SCFD2: variants seen among roughly 807,000 people sequenced by gnomAD.
The protein encoded by SCFD2 is sec1 family domain containing 2.
SCFD2 carries 54 observed loss-of-function variants against 58.9 expected under a neutral mutation model. The ratio of observed to expected loss-of-function variants is 0.92; its 90% CI spans 0.74 to 1.15. SCFD2 has a LOEUF of 1.15. SCFD2 is among the 50% of genes most tolerant of loss of function. The probability of loss-of-function intolerance (pLI) is 0.00; values close to 1 mark genes in which losing one functional copy is unlikely to be tolerated. For missense variants in SCFD2, 805 were observed against 836.6 expected (o/e 0.96, Z 0.47); for synonymous variants, 321 against 335.9 (o/e 0.96, Z 0.49).
chr4:52,891,569 C>G (rs750118478), intron 7 of SCFD2, among the ~76,000 whole-genome samples: 3 of 152,250 alleles, frequency 2.0e-5, no homozygotes, highest in Non-Finnish European at 4.4e-5. Context: ...GACCATCTCA[C>G]TGCAGAGCAG....
chr4:53,258,981 T>C (rs553473293), intron 4 of SCFD2, among the ~76,000 whole-genome samples: 1 of 152,294 alleles, frequency 6.6e-6, no homozygotes, highest in East Asian at 1.9e-4. Flanking sequence ...ATTTGTGATG[T>C]TGAGCATTTT....
At chr4:52,931,969 A>G (rs1043501337) in intron 5 of SCFD2, among the ~76,000 whole-genome samples, 2 of 152,168 alleles carry the variant, frequency 1.3e-5, no homozygotes, top group Admixed American at 1.3e-4. Context: ...CAGAGGCCCC[A>G]GGGCTCCCCA....
intron 3 of SCFD2, among the ~76,000 whole-genome samples, chr4:53,300,504 A>T (rs1371679385): frequency 6.6e-6 from 1 of 152,154 alleles, no homozygotes; most frequent in African/African-American, 2.4e-5. Flanking sequence ...ATACTGGGAG[A>T]CTTTAACACC....
At chr4:53,254,090 C>T (rs1560414033) in intron 4 of SCFD2, among the ~76,000 whole-genome samples, 1 of 152,012 alleles carries the variant, frequency 6.6e-6, no homozygotes, top group African/African-American at 2.4e-5. Context: ...TGGGGCCTAC[C>T]TGAGGGTGGA....
At chr4:52,974,387 G>A (rs1277880256) in intron 5 of SCFD2, among the ~76,000 whole-genome samples, 4 of 152,138 alleles carry the variant, frequency 2.6e-5, no homozygotes, top group Non-Finnish European at 5.9e-5. Context: ...CAGACAAACA[G>A]AGAGCCAAAT....
chr4:53,026,006 T>A (rs1463452436), intron 5 of SCFD2, among the ~76,000 whole-genome samples: 1 of 150,338 alleles, frequency 6.7e-6, no homozygotes, highest in Non-Finnish European at 1.5e-5. Flanking sequence ...CGGTTTTTCA[T>A]TTTTTTTTTC....
intron 6 of SCFD2, among the ~76,000 whole-genome samples, chr4:52,917,292 G>A (rs1719632093): frequency 6.6e-6 from 1 of 152,152 alleles, no homozygotes; most frequent in Non-Finnish European, 1.5e-5. Flanking sequence ...CCTTCTTACA[G>A]AGTAGGAACC....
intron 5 of SCFD2, among the ~76,000 whole-genome samples, chr4:52,929,032 G>A (rs1334327980): frequency 1.3e-5 from 2 of 152,132 alleles, no homozygotes; most frequent in Non-Finnish European, 2.9e-5. Context: ...TGGGTAAGTG[G>A]ATAAACTTCC....
intron 5 of SCFD2, among the ~76,000 whole-genome samples, chr4:52,952,547 A>T (rs1042501506): frequency 6.6e-6 from 1 of 152,198 alleles, no homozygotes; most frequent in Non-Finnish European, 1.5e-5. Flanking sequence ...CACAAATAGT[A>T]AACATAAGCT....
chr4:53,143,908 T>C (rs1162798144), intron 5 of SCFD2, among the ~76,000 whole-genome samples: 1 of 152,112 alleles, frequency 6.6e-6, no homozygotes, highest in African/African-American at 2.4e-5. Context: ...TACTTTCAGA[T>C]AGACACAGGC....
intron 4 of SCFD2, among the ~76,000 whole-genome samples, chr4:53,255,494 A>G (rs1730578935): frequency 6.6e-6 from 1 of 152,108 alleles, no homozygotes; most frequent in Non-Finnish European, 1.5e-5. Context: ...CCCTGAGTGG[A>G]CACAGCACAT....
chr4:52,981,063 G>A (rs896946203), intron 5 of SCFD2, among the ~76,000 whole-genome samples: 4 of 152,044 alleles, frequency 2.6e-5, no homozygotes, highest in East Asian at 3.9e-4. Flanking sequence ...CATTTTCTGC[G>A]GTCCACTGAT....
intron 2 of SCFD2, among the ~76,000 whole-genome samples, chr4:53,351,970 CTTTTA>C (rs1340332416): frequency 6.6e-6 from 1 of 151,954 alleles, no homozygotes; most frequent in African/African-American, 2.4e-5. Context: ...CCTTCTAATA[CTTTTA>C]TTTTTTCAAA....
chr4:53,206,570 C>G (rs1228983182), intron 4 of SCFD2, among the ~76,000 whole-genome samples: 2 of 151,922 alleles, frequency 1.3e-5, no homozygotes, highest in African/African-American at 4.8e-5. Flanking sequence ...TTTTTTTAAT[C>G]GTAAAAACTC....
chr4:53,316,222 T>A (rs1560443726), intron 2 of SCFD2, among the ~76,000 whole-genome samples: 2 of 152,244 alleles, frequency 1.3e-5, no homozygotes, highest in African/African-American at 2.4e-5. Flanking sequence ...TCCATGTTTA[T>A]TTGTTGTCTG....
At position 53,352,667 on chromosome 4, in the gene SCFD2, G is replaced by A. The variant is rs147606542; in HGVS notation, c.938C>T (p.Ala313Val). Reference protein sequence around the residue: ...HTNDVMVNMIALTALHTEEEN... With the variant: ...HTNDVMVNMIVLTALHTEEEN... ...CTCCTCAGTATGGAGTGCAGTGAGC[G>A]CTATCATGTTAACCATCACATCATT... Residue 313 changes from alanine to valine, a missense_variant, in exon 2 of 9, where the codon GCG becomes GTG. This residue lies in a region of SCFD2 where 633 missense variants were observed against 646.8 expected (regional missense o/e 0.98). Coordinates refer to ENST00000401642, the MANE Select transcript of SCFD2 (RefSeq NM_152540.4). 6,863 of 1,613,786 alleles carry A rather than the reference G, an allele frequency of 4.3e-3. 167 individuals carry two copies. The South Asian group carries it at 0.048, about 11-fold the overall frequency.
At chr4:53,302,434 C>G (rs1732345109) in intron 3 of SCFD2, among the ~76,000 whole-genome samples, 1 of 151,728 alleles carries the variant, frequency 6.6e-6, no homozygotes, top group Non-Finnish European at 1.5e-5. Flanking sequence ...CAAACCACTG[C>G]TCAGTGAAAT....
At chr4:53,302,973 T>C (rs578262813) in intron 3 of SCFD2, among the ~76,000 whole-genome samples, 102 of 152,212 alleles carry the variant, frequency 6.7e-4, no homozygotes, top group African/African-American at 2.3e-3. Flanking sequence ...AAGACTTACA[T>C]GTTAGACCTA....
chr4:52,951,932 A>C (rs1446334305), intron 5 of SCFD2, among the ~76,000 whole-genome samples: 1 of 152,222 alleles, frequency 6.6e-6, no homozygotes, highest in Admixed American at 6.5e-5. Flanking sequence ...GAGGATTAAA[A>C]AAGGGAGCTG....
Sources: allele counts gnomAD v4.1 joint callset (sites outside exome capture counted in the v4.1 genomes callset), GRCh38; gene constraint gnomAD v4.1.1; regional missense constraint gnomAD v4.1.1; transcripts MANE v1.5; gene names NCBI Gene and HGNC (gene_info 2026-07-23, HGNC 2026-07-21).